The following IGF1R variants were observed in gnomAD, a reference collection of about 807,000 sequenced individuals.
The protein encoded by IGF1R is insulin-like growth factor 1 receptor.
Under a neutral mutation model 144.6 loss-of-function variants are expected in IGF1R, and 44 were observed. That is an observed-to-expected ratio of 0.30 (90% CI 0.24 to 0.39). IGF1R has a LOEUF of 0.39. IGF1R is among the 10% of genes least tolerant of loss of function. The pLI is 1.00. For missense variants in IGF1R, 1,355 were observed against 1,833.7 expected (o/e 0.74, Z 4.77); for synonymous variants, 795 against 722.8 (o/e 1.10, Z -1.60).
intron 1 of IGF1R, among the ~76,000 whole-genome samples, chr15:98,653,083 T>C (rs2052409469): frequency 6.6e-6 from 1 of 152,102 alleles, no homozygotes; most frequent in Non-Finnish European, 1.5e-5. Flanking sequence ...GTTGCAGCAA[T>C]ACAACAAACT....
intron 2 of IGF1R, among the ~76,000 whole-genome samples, chr15:98,789,701 T>C (rs2056086368): frequency 6.6e-6 from 1 of 152,168 alleles, no homozygotes. Context: ...TCTTATAGTT[T>C]AATAAAGAAA....
At chr15:98,658,512 A>AAT (rs2052534232) in intron 1 of IGF1R, among the ~76,000 whole-genome samples, 2 of 152,244 alleles carry the variant, frequency 1.3e-5, no homozygotes, top group Admixed American at 1.3e-4. Flanking sequence ...AGGAAATAGA[A>AAT]TAGGTTTTTT....
chr15:98,654,943 T>C (rs1886325834), intron 1 of IGF1R, among the ~76,000 whole-genome samples: 1 of 152,172 alleles, frequency 6.6e-6, no homozygotes, highest in Non-Finnish European at 1.5e-5. Flanking sequence ...TTTCCAGTTA[T>C]TTGTAAAGAT....
intron 2 of IGF1R, among the ~76,000 whole-genome samples, chr15:98,809,697 T>C (rs2141453830): frequency 6.6e-6 from 1 of 152,318 alleles, no homozygotes; most frequent in South Asian, 2.1e-4. Flanking sequence ...TGGTTCTGTT[T>C]TCCAACGTAA....
intron 2 of IGF1R, among the ~76,000 whole-genome samples, chr15:98,868,379 G>C (rs1215906676): frequency 7.3e-6 from 1 of 137,718 alleles, no homozygotes; most frequent in South Asian, 2.4e-4. Context: ...TTGGGGGGGG[G>C]GTCCTTTAGA....
At chr15:98,729,972 G>C (rs1310225343) in intron 2 of IGF1R, among the ~76,000 whole-genome samples, 1 of 152,192 alleles carries the variant, frequency 6.6e-6, no homozygotes, top group Non-Finnish European at 1.5e-5. Context: ...GATCACAAGG[G>C]CCTATTTAAA....
intron 3 of IGF1R, among the ~76,000 whole-genome samples, chr15:98,895,722 TA>T (rs1323871374): frequency 5.9e-5 from 9 of 152,274 alleles, no homozygotes; most frequent in African/African-American, 1.9e-4. Flanking sequence ...CCTTCATGGG[TA>T]GGGGGAAGGG....
At chr15:98,673,451 T>G (rs1440566697) in intron 1 of IGF1R, among the ~76,000 whole-genome samples, 1 of 151,080 alleles carries the variant, frequency 6.6e-6, no homozygotes, top group African/African-American at 2.5e-5. Context: ...TTCTGGAGGC[T>G]CTCTCAATAA....
chr15:98,959,374 C>T lies in IGF1R; in HGVS notation c.*1932C>T, dbSNP rs769082369. On this transcript the variant is annotated 3_prime_UTR_variant, in exon 21 of 21. Coordinates refer to ENST00000650285, the MANE Select transcript of IGF1R (RefSeq NM_000875.5). Reference sequence around the variant, plus strand: ...AGGGCCTGTTGTGGCCCTCGCCACCCCCCTCACCGGACCGACTGACCTGTC... The same window carrying T: ...AGGGCCTGTTGTGGCCCTCGCCACCTCCCTCACCGGACCGACTGACCTGTC... The T allele has an allele frequency of 1.1e-4, 26 of 233,670 alleles. No homozygotes were observed. Among genetic ancestry groups the T allele is most frequent in the Admixed American group, 2.2e-4 (4 of 17,786 alleles). The allele number at this position is 233,670 out of a possible 1,614,324, so 14.5% of individuals were successfully genotyped here. A position where few individuals can be genotyped will look rare whatever the true frequency, so the allele number is the denominator to read the frequency against.
chr15:98,939,091 C>A, intron 17 of IGF1R, 110 bp from the exon 18 acceptor site: 2 of 877,372 alleles, frequency 2.3e-6, no homozygotes, highest in Non-Finnish European at 3.7e-6. Flanking sequence ...TTAGCATAAA[C>A]AACCCACGGT....
intron 2 of IGF1R, among the ~76,000 whole-genome samples, chr15:98,725,744 G>A (rs1261088725): frequency 1.3e-5 from 2 of 152,226 alleles, no homozygotes; most frequent in Admixed American, 6.5e-5. Flanking sequence ...AGAAAAAGAG[G>A]TTTTAATTGG....
In IGF1R at chr15:98,810,794, C is replaced by T. The variant is rs576816021; in HGVS notation, c.641-80531C>T. ...TGATCTCCTGACCTCGTGATCCGCC[C>T]GCCTCGGCCTCCCAAAGGGCTGGGA... On this transcript the variant is annotated intron_variant, in intron 2 of 20. Coordinates refer to ENST00000650285, the MANE Select transcript of IGF1R (RefSeq NM_000875.5). 3.0e-4 allele frequency among the ~76,000 whole-genome samples: 45 copies of T among 151,462 alleles called. 1 individual carries two copies. Among genetic ancestry groups the T allele is most frequent in the African/African-American group, 9.9e-4 (41 of 41,418 alleles).
At chr15:98,920,602 C>T (rs528259071) in intron 10 of IGF1R, among the ~76,000 whole-genome samples, 21 of 152,240 alleles carry the variant, frequency 1.4e-4, no homozygotes, top group South Asian at 1.0e-3. Context: ...TTTTCCCTTC[C>T]GGGAAGCTTG....
At chr15:98,784,246 T>C (rs886507847) in intron 2 of IGF1R, among the ~76,000 whole-genome samples, 2 of 152,088 alleles carry the variant, frequency 1.3e-5, no homozygotes, top group African/African-American at 4.8e-5. Flanking sequence ...CTGAATCCTA[T>C]TTTTAAGTAT....
At chr15:98,902,892 A>C (rs1464898708) in intron 5 of IGF1R, among the ~76,000 whole-genome samples, 2 of 152,154 alleles carry the variant, frequency 1.3e-5, no homozygotes, top group African/African-American at 4.8e-5. Flanking sequence ...CCCCTCAAAA[A>C]GTCTCCTGAG....
intron 6 of IGF1R, among the ~76,000 whole-genome samples, chr15:98,909,261 C>CTTTTTTTTTTTTTT (rs752298130): frequency 3.3e-5 from 3 of 91,758 alleles, no homozygotes; most frequent in African/African-American, 5.0e-5. Flanking sequence ...CTTTTTTTTT[C>CTTTTTTTTTTTTTT]TTTTTTTTTT....
rs1009888118 is a variant in IGF1R at position 98,908,818 on chromosome 15, C to T, written c.1381C>T (p.Arg461Cys). ...NPKLCVSEIYRMEEVTGTKGR... is the reference protein window; with the variant it reads ...NPKLCVSEIYCMEEVTGTKGR... The stretch of plus-strand genomic sequence containing the variant: ...CAAATTATGTGTTTCCGAAATTTAC[C>T]GCATGGAGGAAGTGACGGGGACTAA... The change falls in exon 6 of 21, where the codon CGC becomes TGC. Residue 461 changes from arginine to cysteine, a missense_variant. By Grantham distance (180) the Arg-to-Cys change is radical. This residue lies in a region of IGF1R where 880 missense variants were observed against 1,202.7 expected (regional missense o/e 0.73). Transcript: ENST00000650285. 21 of 1,613,950 alleles carry T rather than the reference C, an allele frequency of 1.3e-5. No individual in the cohort carries two copies. The highest frequency in any genetic ancestry group is 4.4e-5 in the South Asian group (4 of 91,064).
intron 1 of IGF1R, among the ~76,000 whole-genome samples, chr15:98,694,161 C>G (rs910217797): frequency 3.3e-5 from 5 of 152,014 alleles, no homozygotes. Flanking sequence ...CATAATTGTT[C>G]GTGTCTACAT....
chr15:98,658,323 T>G (rs552115659), intron 1 of IGF1R, among the ~76,000 whole-genome samples: 110 of 152,314 alleles, frequency 7.2e-4, no homozygotes, highest in African/African-American at 2.6e-3. Flanking sequence ...CACCATAGCT[T>G]TAGTTTCTCC....
Sources: gnomAD v4.1 joint callset for allele counts (sites outside exome capture counted in the v4.1 genomes callset) on GRCh38, gnomAD v4.1.1 for gene constraint, gnomAD v4.1.1 regional missense constraint, MANE v1.5 for transcripts, NCBI Gene and HGNC (gene_info 2026-07-23, HGNC 2026-07-21) for gene names.